Variants in TENM3 observed in about 807,000 individuals in gnomAD.
TENM3 encodes teneurin-3.
Under a neutral mutation model 255.1 loss-of-function variants are expected in TENM3, and 63 were observed. The observed-to-expected ratio is 0.25, with a 90% CI of 0.20 to 0.30. The LOEUF (loss-of-function observed/expected upper bound fraction) is 0.30, where lower values mean the gene tolerates loss of function less well. TENM3 is among the 10% of genes least tolerant of loss of function. The pLI, the probability that TENM3 is intolerant of heterozygous loss-of-function variation, is 1.00. For synonymous variants in TENM3, 1,306 were observed against 1,322.3 expected (o/e 0.99, Z 0.27); for missense variants, 2,929 against 3,461.1 (o/e 0.85, Z 3.86).
At chr4:182,084,361 G>A in the TENM3 span, among the ~76,000 whole-genome samples, 1 of 152,148 alleles carries the variant, frequency 6.6e-6, no homozygotes, top group Admixed American at 6.5e-5. Context: ...TACACCAGAA[G>A]GTGGCAATTA....
the TENM3 span, among the ~76,000 whole-genome samples, chr4:181,834,693 A>G: frequency 6.6e-6 from 1 of 152,300 alleles, no homozygotes; most frequent in Non-Finnish European, 1.5e-5. Context: ...GCTCTTCAAG[A>G]GATGGAAAGT....
chr4:182,719,258 T>TTC (rs1561154562), intron 13 of TENM3, among the ~76,000 whole-genome samples: 1 of 123,886 alleles, frequency 8.1e-6, no homozygotes, highest in African/African-American at 3.2e-5. Context: ...TTTTCTTTTT[T>TTC]TTTTTTTTTT....
At chr4:182,211,102 CG>C (rs1361953755) in intron 1 of TENM3, among the ~76,000 whole-genome samples, 4 of 152,110 alleles carry the variant, frequency 2.6e-5, no homozygotes, top group Admixed American at 1.3e-4. Flanking sequence ...GTCACCAAAA[CG>C]GGGGACAAGG....
the TENM3 span, among the ~76,000 whole-genome samples, chr4:181,805,737 A>G: frequency 2.0e-5 from 3 of 152,134 alleles, no homozygotes; most frequent in Non-Finnish European, 4.4e-5. Flanking sequence ...ATGGAATTTG[A>G]TGGAATATGG....
chr4:181,484,754 CA>C, the TENM3 span, among the ~76,000 whole-genome samples: 1 of 151,880 alleles, frequency 6.6e-6, no homozygotes, highest in Non-Finnish European at 1.5e-5. Context: ...TGTAGCCTAA[CA>C]GATGAATTAA....
intron 3 of TENM3, among the ~76,000 whole-genome samples, chr4:182,574,881 T>A (rs1166256730): frequency 2.0e-5 from 3 of 152,158 alleles, no homozygotes; most frequent in Admixed American, 2.0e-4. Context: ...ATGTTTCCTG[T>A]CACCTCGGTG....
At chr4:182,712,384 T>G (rs764017244) in intron 12 of TENM3, among the ~76,000 whole-genome samples, 4 of 152,010 alleles carry the variant, frequency 2.6e-5, no homozygotes, top group Non-Finnish European at 5.9e-5. Context: ...GTCAGTCAGC[T>G]GCCGCACCTC....
the TENM3 span, among the ~76,000 whole-genome samples, chr4:182,124,265 T>C: frequency 6.6e-6 from 1 of 152,152 alleles, no homozygotes; most frequent in South Asian, 2.1e-4. Context: ...TTGGTCAGGC[T>C]GGTCTCAAAC....
intron 3 of TENM3, among the ~76,000 whole-genome samples, chr4:182,522,323 A>T (rs1252281844): frequency 6.6e-6 from 1 of 152,178 alleles, no homozygotes; most frequent in African/African-American, 2.4e-5. Flanking sequence ...CAACCAAATT[A>T]TCTTGATCTT....
the TENM3 span, among the ~76,000 whole-genome samples, chr4:182,119,423 C>A: frequency 6.6e-6 from 1 of 152,064 alleles, no homozygotes; most frequent in African/African-American, 2.4e-5. Context: ...GAGCCTTCAG[C>A]AATTCATCAA....
the TENM3 span, among the ~76,000 whole-genome samples, chr4:181,573,403 CCTGT>C: frequency 1.1e-4 from 16 of 151,828 alleles, no homozygotes; most frequent in Admixed American, 3.3e-4. Context: ...GCCAGCACTG[CCTGT>C]CTTTCTTAAA....
At chr4:182,412,531 T>A (rs1283673649) in intron 3 of TENM3, among the ~76,000 whole-genome samples, 2 of 152,174 alleles carry the variant, frequency 1.3e-5, no homozygotes, top group East Asian at 3.8e-4. Context: ...ATGTTTGATA[T>A]TCTCAGAGTA....
chr4:181,644,488 T>A, the TENM3 span, among the ~76,000 whole-genome samples: 1 of 152,024 alleles, frequency 6.6e-6, no homozygotes, highest in African/African-American at 2.4e-5. Flanking sequence ...AGATGAAAGA[T>A]AATCAAATTC....
intron 4 of TENM3, among the ~76,000 whole-genome samples, chr4:182,617,746 T>C (rs76997889): frequency 6.6e-6 from 1 of 152,344 alleles, no homozygotes; most frequent in East Asian, 1.9e-4. Flanking sequence ...TCGATTTACC[T>C]ACATGTGTCA....
the TENM3 span, among the ~76,000 whole-genome samples, chr4:181,528,623 T>A: frequency 6.6e-6 from 1 of 152,230 alleles, no homozygotes; most frequent in Non-Finnish European, 1.5e-5. Flanking sequence ...ACGAGGTAGG[T>A]TGAATTATTC....
chr4:182,740,579 A>G (rs1340116444), intron 18 of TENM3, among the ~76,000 whole-genome samples: 1 of 152,234 alleles, frequency 6.6e-6, no homozygotes, highest in Non-Finnish European at 1.5e-5. Context: ...AGTATAGGGT[A>G]AAGTTCATAA....
chr4:181,857,120 C>A, the TENM3 span, among the ~76,000 whole-genome samples: 1 of 151,888 alleles, frequency 6.6e-6, no homozygotes, highest in Admixed American at 6.6e-5. Flanking sequence ...TTTCAGATAC[C>A]AGTAGGGAAT....
intron 19 of TENM3, among the ~76,000 whole-genome samples, chr4:182,750,790 A>G (rs1363069547): frequency 6.6e-6 from 1 of 152,196 alleles, no homozygotes; most frequent in African/African-American, 2.4e-5. Flanking sequence ...ATCAAAAGAT[A>G]CATGGAGTTT....
intron 3 of TENM3, among the ~76,000 whole-genome samples, chr4:182,537,255 A>C (rs1740426492): frequency 6.6e-6 from 1 of 152,252 alleles, no homozygotes; most frequent in Non-Finnish European, 1.5e-5. Flanking sequence ...TTCTTGACTC[A>C]GTTTTCAAAA....
Sources: allele counts gnomAD v4.1 joint callset (sites outside exome capture counted in the v4.1 genomes callset), GRCh38; gene constraint gnomAD v4.1.1; transcripts MANE v1.5; gene names NCBI Gene and HGNC (gene_info 2026-07-23, HGNC 2026-07-21).